NCS1: variants seen among roughly 807,000 people sequenced by gnomAD.
The protein encoded by NCS1 is frequenin homolog.
A neutral mutation model predicts 28.4 loss-of-function variants in NCS1; 6 were observed. The observed-to-expected ratio is 0.21, with a 90% CI of 0.12 to 0.42. The LOEUF is 0.42. NCS1 is among the 10% of genes least tolerant of loss of function. The pLI is 1.00. For missense variants in NCS1, 131 were observed against 241.4 expected, an observed-to-expected ratio of 0.54 and a Z score of 3.03; for synonymous variants, 86 against 99.3, an observed-to-expected ratio of 0.87 and a Z score of 0.79.
intron 1 of NCS1, among the ~76,000 whole-genome samples, chr9:130,189,879 A>AATATATATAT (rs1203988125): frequency 2.9e-4 from 11 of 37,748 alleles, no homozygotes; most frequent in African/African-American, 1.2e-3. Context: ...AAAAAAAAAA[A>AATATATATAT]ATATATATAT....
At chr9:130,201,067 C>A in intron 2 of NCS1, 85 bp downstream of exon 2, 1 of 1,576,638 alleles carries the variant, frequency 6.3e-7, no homozygotes, top group Non-Finnish European at 8.7e-7. Context: ...AGCAGTCCAG[C>A]TGCTCAGGAT....
At chr9:130,183,911 G>A (rs927262415) in intron 1 of NCS1, among the ~76,000 whole-genome samples, 12 of 151,332 alleles carry the variant, frequency 7.9e-5, no homozygotes, top group East Asian at 1.9e-4. Flanking sequence ...CCGGGTTCAC[G>A]CCATTCTCTG....
rs543962112 is a variant in NCS1 at position 130,200,520 on chromosome 9, C to A, written c.65-438C>A. ...CTGCCCCTTTTCAGCCTAGCTCCCC[C>A]CACCCCCCCACATAGGTGGGGCAGC... On this transcript the variant is annotated intron_variant, in intron 1 of 7. Transcript: ENST00000372398. 1.2e-4 allele frequency: 188 copies of A among 1,535,990 alleles called. 3 individuals are homozygous for A. The South Asian group carries it at 1.8e-3, about 14-fold the overall frequency.
intron 7 of NCS1, among the ~76,000 whole-genome samples, chr9:130,230,647 T>C (rs547313504): frequency 6.6e-6 from 1 of 151,908 alleles, no homozygotes; most frequent in East Asian, 1.9e-4. Flanking sequence ...AGTTAAAGGC[T>C]ACAGTGAACT....
chr9:130,217,824 G>T lies in NCS1; in HGVS notation c.90-8G>T. On this transcript the variant is annotated splice_region_variant and splice_polypyrimidine_tract_variant and intron_variant, in intron 2 of 7. Coordinates refer to ENST00000372398, the MANE Select transcript of NCS1 (RefSeq NM_014286.4). ...TTTACCCTCTCTGGCCCGGTCTGCT[G>T]CCTCCAGGTACAAAGGCTTCATCAA... 6.2e-7 allele frequency: 1 copy of T among 1,614,164 alleles called. No homozygotes were observed. Among genetic ancestry groups the T allele is most frequent in the Non-Finnish European group, 8.5e-7 (1 of 1,180,022 alleles).
At chr9:130,187,996 A>C (rs1405179011) in intron 1 of NCS1, among the ~76,000 whole-genome samples, 2 of 152,144 alleles carry the variant, frequency 1.3e-5, no homozygotes, top group Non-Finnish European at 2.9e-5. Flanking sequence ...GGCAGATGCC[A>C]CATGATCCAA....
intron 2 of NCS1, among the ~76,000 whole-genome samples, chr9:130,207,767 G>A (rs1833047575): frequency 6.6e-6 from 1 of 152,238 alleles, no homozygotes. Flanking sequence ...CCTGCACCAG[G>A]CTCCGCACTG....
intron 1 of NCS1, among the ~76,000 whole-genome samples, chr9:130,183,745 TTC>T (rs1832701850): frequency 1.3e-5 from 2 of 150,552 alleles, no homozygotes. Flanking sequence ...TCTTCCTTCC[TTC>T]TTTCTCTTTC....
intron 1 of NCS1, chr9:130,200,533 T>G: frequency 3.2e-6 from 5 of 1,547,986 alleles, no homozygotes; most frequent in East Asian, 2.4e-5. Flanking sequence ...CCCCCCCACA[T>G]AGGTGGGGCA....
chr9:130,214,327 G>T lies in NCS1; in HGVS notation c.90-3505G>T, dbSNP rs571958366. ...ATGTTAAAGAAAGCGATATTCTCAC[G>T]CTTCTTAAAATGGTCAGGAAGGCTT... is the stretch of plus-strand genomic sequence containing the variant. On this transcript the variant is annotated intron_variant, in intron 2 of 7. Transcript: ENST00000372398. 9.2e-5 allele frequency among the ~76,000 whole-genome samples: 14 copies of T among 152,272 alleles called. No homozygotes were observed. In the South Asian group the frequency reaches 2.3e-3, roughly 25 times the overall value.
At chr9:130,207,474 G>A (rs1833041322) in intron 2 of NCS1, among the ~76,000 whole-genome samples, 1 of 152,214 alleles carries the variant, frequency 6.6e-6, no homozygotes, top group Non-Finnish European at 1.5e-5. Flanking sequence ...GGCATGGCTT[G>A]TTCTGTCTCG....
In NCS1 at chr9:130,186,735, G is replaced by C. The variant is rs528345343; in HGVS notation, c.64+14008G>C. On this transcript the variant is annotated intron_variant, in intron 1 of 7. Coordinates refer to ENST00000372398, the MANE Select transcript of NCS1 (RefSeq NM_014286.4). The surrounding 1 kb of genome is among the most constrained non-coding windows in gnomAD (Gnocchi z 4.1). ...AGGGAGCCCTCTGGATGGAAGCCCT[G>C]AGAGGGTCCCAAGGAGGTGTCAAGG... 6.6e-6 allele frequency among the ~76,000 whole-genome samples: 1 copy of C among 152,310 alleles called. No homozygotes were observed. Among genetic ancestry groups the C allele is most frequent in the East Asian group, 1.9e-4 (1 of 5,172 alleles).
intron 2 of NCS1, among the ~76,000 whole-genome samples, chr9:130,217,171 T>C (rs1833202711): frequency 6.6e-6 from 1 of 152,136 alleles, no homozygotes; most frequent in Admixed American, 6.5e-5. Context: ...ATGGCAGAGA[T>C]CTGTCCTGGG....
chr9:130,203,664 C>T (rs1832987715), intron 2 of NCS1, among the ~76,000 whole-genome samples: 1 of 152,236 alleles, frequency 6.6e-6, no homozygotes, highest in Non-Finnish European at 1.5e-5. Context: ...ACACCAGGAG[C>T]TGTCTGCCTG....
chr9:130,215,575 G>A lies in NCS1; in HGVS notation c.90-2257G>A, dbSNP rs1020817161. 6.6e-6 allele frequency among the ~76,000 whole-genome samples: 1 copy of A among 152,290 alleles called. No individual in the cohort carries two copies. The highest frequency in any genetic ancestry group is 2.1e-4 in the South Asian group (1 of 4,814). Reference sequence around the variant, plus strand: ...GGACAGGAGAGGCAGGGCGGGCTCCGAGTCTCACGCATTGCTGTGGATGAA... The same window carrying A: ...GGACAGGAGAGGCAGGGCGGGCTCCAAGTCTCACGCATTGCTGTGGATGAA... On this transcript the variant is annotated intron_variant, in intron 2 of 7. Coordinates refer to ENST00000372398, the MANE Select transcript of NCS1 (RefSeq NM_014286.4). The surrounding 1 kb of genome is among the most constrained non-coding windows in gnomAD (Gnocchi z 4.2).
Position 130,191,590 on chromosome 9 carries a change from TG to T in NCS1, c.65-9367del, listed in dbSNP as rs1832816745. Among the ~76,000 whole-genome samples the T allele has an allele frequency of 6.6e-6, 1 of 152,144 alleles. No homozygotes were observed. The highest frequency in any genetic ancestry group is 1.5e-5 in the Non-Finnish European group (1 of 67,996). ...GGCCGTGGGCATGGGGCTCCCCTGA[TG>T]AGCCCAGGTGCCTCATCCTGAGACA... On this transcript the variant is annotated intron_variant, in intron 1 of 7. Transcript: ENST00000372398. The surrounding 1 kb of genome is among the most constrained non-coding windows in gnomAD (Gnocchi z 6.4).
rs368867488 is a variant in NCS1, at chr9:130,233,466, G to A, written c.*494G>A. On this transcript the variant is annotated 3_prime_UTR_variant, in exon 8 of 8. Transcript: ENST00000372398. This position sits in a 1 kb window ranked among gnomAD's most constrained non-coding sequence, Gnocchi z 4.8. ...CAGCCGGAGAGGCTGTGGGTGGGCC[G>A]AGGGTGTCTAGGGGTTCTGCCTGGT... 6.6e-6 allele frequency: 1 copy of A among 152,550 alleles called. No homozygotes were observed. Among genetic ancestry groups the A allele is most frequent in the African/African-American group, 2.4e-5 (1 of 41,426 alleles). 9.4% of individuals were successfully genotyped at this position (152,550 alleles called of 1,614,324 possible). A position where few individuals can be genotyped will look rare whatever the true frequency, so the allele number is the denominator to read the frequency against.
Position 130,234,347 on chromosome 9 carries a change from G to A in NCS1, c.*1375G>A, listed in dbSNP as rs1833547979. The A allele has an allele frequency of 6.6e-6, 1 of 152,278 alleles. No individual in the cohort carries two copies. Among genetic ancestry groups the A allele is most frequent in the Admixed American group, 6.5e-5 (1 of 15,278 alleles). 9.4% of individuals were successfully genotyped at this position (152,278 alleles called of 1,614,324 possible). ...CTACACCTGGGGCTGCGGCCCACATGTCTTCACGGAGGCTTCCAGCGGTGC... is the reference window on the plus strand; with the variant it reads ...CTACACCTGGGGCTGCGGCCCACATATCTTCACGGAGGCTTCCAGCGGTGC... On this transcript the variant is annotated 3_prime_UTR_variant, in exon 8 of 8. Coordinates refer to ENST00000372398, the MANE Select transcript of NCS1 (RefSeq NM_014286.4). The surrounding 1 kb of genome is among the most constrained non-coding windows in gnomAD (Gnocchi z 6.1).
At chr9:130,206,615 G>T (rs1277038818) in intron 2 of NCS1, among the ~76,000 whole-genome samples, 1 of 151,956 alleles carries the variant, frequency 6.6e-6, no homozygotes, top group African/African-American at 2.4e-5. Context: ...TCACCACGCT[G>T]GCCAGGCTGG....
Sources: allele counts gnomAD v4.1 joint callset (sites outside exome capture counted in the v4.1 genomes callset), GRCh38; gene constraint gnomAD v4.1.1; non-coding constraint Gnocchi (gnomAD v3.1); transcripts MANE v1.5; gene names NCBI Gene and HGNC (gene_info 2026-07-23, HGNC 2026-07-21).